C6: variants seen among roughly 807,000 people sequenced by gnomAD.
The protein encoded by C6 is complement C6.
In C6, 101 loss-of-function variants were observed where a neutral mutation model predicts 112.9. That is an observed-to-expected ratio of 0.89 (90% confidence interval 0.76 to 1.06). The LOEUF is 1.06. Ranked by LOEUF, C6 falls within the 50% of genes least tolerant of loss-of-function variation. The pLI is 0.00. For synonymous variants in C6, 431 were observed against 384.1 expected, an observed-to-expected ratio of 1.12 and a Z score of -1.43; for missense variants, 1,202 against 1,104.6, an observed-to-expected ratio of 1.09 and a Z score of -1.25.
At chr5:41,189,284 A>G (rs1750016071) in intron 5 of C6, among the ~76,000 whole-genome samples, 1 of 152,084 alleles carries the variant, frequency 6.6e-6, no homozygotes, top group Admixed American at 6.6e-5. Context: ...GTATATATGA[A>G]AGAGAATTGA....
intron 6 of C6, among the ~76,000 whole-genome samples, chr5:41,182,151 T>C (rs1266780996): frequency 6.6e-6 from 1 of 152,188 alleles, no homozygotes; most frequent in Non-Finnish European, 1.5e-5. Flanking sequence ...CTAGTCTCTT[T>C]CTGGGCACAT....
At chr5:41,186,701 C>A (rs913694591) in intron 5 of C6, among the ~76,000 whole-genome samples, 3 of 151,762 alleles carry the variant, frequency 2.0e-5, no homozygotes, top group Non-Finnish European at 4.4e-5. Flanking sequence ...TTTTATTTAA[C>A]AAATGCTTAT....
chr5:41,223,648 T>G (rs1231162260), intron 1 of C6, among the ~76,000 whole-genome samples: 2 of 152,192 alleles, frequency 1.3e-5, no homozygotes, highest in Non-Finnish European at 1.5e-5. Context: ...GGCTTAGATG[T>G]ATGAAAGATA....
intron 6 of C6, among the ~76,000 whole-genome samples, chr5:41,182,853 G>A (rs1054246888): frequency 6.6e-6 from 1 of 152,188 alleles, no homozygotes; most frequent in South Asian, 2.1e-4. Flanking sequence ...CTATGGCAGA[G>A]TTAAAGATTA....
intron 1 of C6, among the ~76,000 whole-genome samples, chr5:41,212,103 CT>C (rs1751979754): frequency 1.3e-5 from 2 of 151,992 alleles, no homozygotes; most frequent in African/African-American, 4.8e-5. Flanking sequence ...GGTAGCTTTT[CT>C]TTTTTAATAT....
rs559983030 is a variant in C6, at chr5:41,192,526, A to G, written c.587+3266T>C. Among the ~76,000 whole-genome samples the G allele has an allele frequency of 3.3e-5, 5 of 151,960 alleles. No individual in the cohort carries two copies. In the South Asian group the frequency reaches 6.2e-4, roughly 19 times the overall value. ...CAGTCCTGGGCTTTTCTTTTTTGGG[A>G]GACTTTTTGTTATTGATTTAATCTC... On this transcript the variant is annotated intron_variant, in intron 5 of 17. Transcript: ENST00000337836.
In C6 at chr5:41,176,858, G is replaced by A. The variant is rs979177968; in HGVS notation, c.928-143C>T. ...CTCACTCTCTATTGCATGTTCTCAC[G>A]TACAAAATTATAATTTTCATTTTGC... On this transcript the variant is annotated intron_variant, in intron 7 of 17. Transcript: ENST00000337836. 6.7e-5 allele frequency: 55 copies of A among 818,764 alleles called. No homozygotes were observed. In the Middle Eastern group the frequency reaches 3.0e-3, roughly 44 times the overall value. 50.7% of individuals were successfully genotyped at this position (818,764 alleles called of 1,614,324 possible). A position where few individuals can be genotyped will look rare whatever the true frequency, so the allele number is the denominator to read the frequency against.
chr5:41,160,117 C>T, intron 11 of C6, 25 bp downstream of exon 11: 1 of 1,572,714 alleles, frequency 6.4e-7, no homozygotes, highest in Admixed American at 1.7e-5. Context: ...ACTTATCTAC[C>T]TCACAATAGA....
In C6 at chr5:41,201,724, TGAA is replaced by T. The variant is rs750558324; in HGVS notation, c.144-13_144-11del. On this transcript the variant is annotated splice_polypyrimidine_tract_variant and intron_variant, in intron 2 of 17. Transcript: ENST00000337836. ...ATCTACTACTATTTGTCTGTAACCATGAAGAAGAAGTTGCTTAGAATGAGTGTA... is the reference window on the plus strand; with the variant it reads ...ATCTACTACTATTTGTCTGTAACCATGAAGAAGTTGCTTAGAATGAGTGTA... 2.1e-5 allele frequency: 34 copies of T among 1,612,662 alleles called. No individual in the cohort carries two copies. In the South Asian group the frequency reaches 2.6e-4, roughly 13 times the overall value.
intron 14 of C6, 40 bp downstream of exon 14, chr5:41,154,932 C>T: frequency 1.2e-6 from 2 of 1,604,920 alleles, no homozygotes; most frequent in Non-Finnish European, 1.7e-6. Context: ...CACATTCATT[C>T]TGTAAAGTAG....
Position 41,255,358 on chromosome 5 carries a change from TA to T in C6, c.-21+5835del, listed in dbSNP as rs35687201. On this transcript the variant is annotated intron_variant, in intron 1 of 17. Transcript: ENST00000263413. ...CCTGGGAGACAGAGTGAGATTCCGTTAAAAAAAAAAAAAAGATAAGAGTCTT... is the reference window on the plus strand; with the variant it reads ...CCTGGGAGACAGAGTGAGATTCCGTTAAAAAAAAAAAAAGATAAGAGTCTT... 5.3e-4 allele frequency among the ~76,000 whole-genome samples: 76 copies of T among 144,186 alleles called. No homozygotes were observed. The Middle Eastern group carries it at 0.014, about 27-fold the overall frequency. The allele number at this position is 144,186 out of a possible 152,430, so 94.6% of individuals were successfully genotyped here.
chr5:41,228,011 A>G (rs983885570), intron 1 of C6, among the ~76,000 whole-genome samples: 3 of 152,252 alleles, frequency 2.0e-5, no homozygotes, highest in African/African-American at 4.8e-5. Flanking sequence ...GAAGAATGCC[A>G]TTATGATTTT....
chr5:41,172,152 A>C, intron 9 of C6, 73 bp downstream of exon 9: 1 of 1,479,976 alleles, frequency 6.8e-7, no homozygotes, highest in Non-Finnish European at 9.5e-7. Context: ...GCACAGTCAC[A>C]TCCAATATGG....
At chr5:41,156,056 G>T (rs1478478897) in intron 13 of C6, among the ~76,000 whole-genome samples, 1 of 151,936 alleles carries the variant, frequency 6.6e-6, no homozygotes, top group Non-Finnish European at 1.5e-5. Context: ...CAATTTTCAA[G>T]GTAAAGTGGG....
chr5:41,164,693 A>G (rs527844033), intron 9 of C6, among the ~76,000 whole-genome samples: 1 of 152,254 alleles, frequency 6.6e-6, no homozygotes, highest in Admixed American at 6.5e-5. Context: ...ACGGTCTCTA[A>G]CTTTGCAATG....
chr5:41,225,270 G>A (rs1303989928), intron 1 of C6, among the ~76,000 whole-genome samples: 1 of 151,656 alleles, frequency 6.6e-6, no homozygotes, highest in Non-Finnish European at 1.5e-5. Context: ...CTGTGTCCAT[G>A]TGTTCTCATT....
At chr5:41,178,918 A>G (rs1236265048) in intron 7 of C6, among the ~76,000 whole-genome samples, 2 of 151,856 alleles carry the variant, frequency 1.3e-5, no homozygotes, top group Non-Finnish European at 2.9e-5. Context: ...CAGTGGTGCG[A>G]TCTCCGCTCA....
At chr5:41,205,975 G>T (rs957464033) in intron 1 of C6, among the ~76,000 whole-genome samples, 4 of 152,182 alleles carry the variant, frequency 2.6e-5, no homozygotes, top group African/African-American at 9.7e-5. Flanking sequence ...CCCAGTACGG[G>T]CCGACTGACA....
At chr5:41,258,517 G>A (rs887099353) in intron 1 of C6, among the ~76,000 whole-genome samples, 2 of 152,092 alleles carry the variant, frequency 1.3e-5, no homozygotes, top group Non-Finnish European at 2.9e-5. Flanking sequence ...TCAGATCTTG[G>A]AACCCAGTCA....
Sources: allele counts gnomAD v4.1 joint callset (sites outside exome capture counted in the v4.1 genomes callset), GRCh38; gene constraint gnomAD v4.1.1; transcripts MANE v1.5; gene names NCBI Gene and HGNC (gene_info 2026-07-23, HGNC 2026-07-21).